AK7: variants seen among roughly 807,000 people sequenced by gnomAD.
AK7 encodes adenylate kinase 7.
In AK7, 78 loss-of-function variants were observed where a neutral mutation model predicts 96.6. That is an observed-to-expected ratio of 0.81 (90% CI 0.67 to 0.97). AK7 has a LOEUF of 0.97. AK7 is among the 50% of genes least tolerant of loss of function. The pLI is 0.00. For missense variants in AK7, 855 were observed against 887.9 expected, an observed-to-expected ratio of 0.96 and a Z score of 0.47; for synonymous variants, 302 against 317.2, an observed-to-expected ratio of 0.95 and a Z score of 0.51.
intron 17 of AK7, 66 bp downstream of exon 17, chr14:96,487,122 C>CTCTTATA: frequency 6.4e-7 from 1 of 1,558,934 alleles, no homozygotes. Context: ...CACCTGTAAT[C>CTCTTATA]CCAGCACTTT....
chr14:96,463,442 G>A (rs1182581569), intron 12 of AK7, among the ~76,000 whole-genome samples: 3 of 151,588 alleles, frequency 2.0e-5, no homozygotes, highest in Non-Finnish European at 2.9e-5. Context: ...GAGAGGAGCC[G>A]GGCGCGGTGG....
At chr14:96,478,829 A>G (rs997579033) in intron 15 of AK7, among the ~76,000 whole-genome samples, 167 bp downstream of exon 15, 4 of 151,782 alleles carry the variant, frequency 2.6e-5, no homozygotes, top group South Asian at 2.1e-4. Flanking sequence ...GAGTCATTCT[A>G]TGTGGGGATT....
chr14:96,437,373 A>G (rs142355143), intron 5 of AK7, among the ~76,000 whole-genome samples: 149 of 152,288 alleles, frequency 9.8e-4, no homozygotes, highest in African/African-American at 3.3e-3. Flanking sequence ...AATTAAAAAT[A>G]AAGGAATACT....
Position 96,463,051 on chromosome 14 carries a change from C to T in AK7, c.1357+4839C>T, listed in dbSNP as rs958169069. On this transcript the variant is annotated intron_variant, in intron 12 of 17. Coordinates refer to ENST00000267584, the MANE Select transcript of AK7 (RefSeq NM_152327.5). ...ACTCGGAAGGCTGAGGCAGGAGAAT[C>T]GCTTGAACCCTAGAGGCAGAGGTTG... 2.0e-4 allele frequency among the ~76,000 whole-genome samples: 30 copies of T among 151,748 alleles called. No individual in the cohort carries two copies. The East Asian group carries it at 5.5e-3, about 28-fold the overall frequency.
At position 96,397,650 on chromosome 14, in the gene AK7, G is replaced by A. The variant is rs564236268; in HGVS notation, c.106-425G>A. ...AGTGCCTGTAGTCCCAGCTACTCAG[G>A]AGGCTGAGGCAGGAGGACCCCAGGA... is the stretch of plus-strand genomic sequence containing the variant. On this transcript the variant is annotated intron_variant, in intron 1 of 17. Transcript: ENST00000267584. Among the ~76,000 whole-genome samples, 13 of 152,312 alleles carry A rather than the reference G, an allele frequency of 8.5e-5. No individual in the cohort carries two copies. The South Asian group carries it at 2.5e-3, about 29-fold the overall frequency.
At chr14:96,478,996 C>T (rs909086426) in intron 15 of AK7, among the ~76,000 whole-genome samples, 2 of 151,836 alleles carry the variant, frequency 1.3e-5, no homozygotes, top group African/African-American at 4.8e-5. Context: ...GCAACCTCTG[C>T]TTCCCGGGTT....
intron 12 of AK7, 101 bp downstream of exon 12, chr14:96,458,313 C>T (rs1378847774): frequency 3.4e-5 from 49 of 1,447,348 alleles, no homozygotes; most frequent in Non-Finnish European, 4.4e-5. Context: ...GACTGAACTA[C>T]AGGCGGGCGC....
chr14:96,461,827 C>G (rs926291721), intron 12 of AK7, among the ~76,000 whole-genome samples: 9 of 152,194 alleles, frequency 5.9e-5, no homozygotes, highest in African/African-American at 2.2e-4. Context: ...CTCAAGTGAT[C>G]TGCCTGCCTT....
At chr14:96,462,477 G>A (rs892729650) in intron 12 of AK7, among the ~76,000 whole-genome samples, 33 of 152,034 alleles carry the variant, frequency 2.2e-4, no homozygotes, top group African/African-American at 7.2e-4. Context: ...CTAGCAAAAC[G>A]AGTTTCCCAG....
intron 12 of AK7, among the ~76,000 whole-genome samples, chr14:96,468,219 A>T (rs1270078465): frequency 1.3e-5 from 2 of 151,122 alleles, no homozygotes; most frequent in African/African-American, 4.9e-5. Flanking sequence ...TGTCTCAAAA[A>T]AAAAAAAAAA....
intron 5 of AK7, among the ~76,000 whole-genome samples, chr14:96,434,070 T>C (rs1892504219): frequency 6.6e-6 from 1 of 152,222 alleles, no homozygotes; most frequent in Admixed American, 6.5e-5. Context: ...CTTTATTTAG[T>C]TCATTTGGTG....
intron 6 of AK7, among the ~76,000 whole-genome samples, chr14:96,442,488 C>T (rs1259325418): frequency 6.6e-6 from 1 of 151,948 alleles, no homozygotes; most frequent in Non-Finnish European, 1.5e-5. Context: ...TTGATTCAGT[C>T]CCAGGGCTAC....
intron 4 of AK7, among the ~76,000 whole-genome samples, chr14:96,417,155 G>C (rs1386534596): frequency 6.6e-6 from 1 of 152,166 alleles, no homozygotes; most frequent in Non-Finnish European, 1.5e-5. Flanking sequence ...GCTACAGAGG[G>C]GCCAGGACTC....
At chr14:96,405,935 G>C (rs1890685193) in intron 3 of AK7, among the ~76,000 whole-genome samples, 1 of 152,048 alleles carries the variant, frequency 6.6e-6, no homozygotes, top group Non-Finnish European at 1.5e-5. Flanking sequence ...ACAAGATCTT[G>C]CTCTGTCATC....
In AK7 at chr14:96,472,764, AT is replaced by A; in HGVS notation, c.1555+12del. On this transcript the variant is annotated intron_variant, in intron 14 of 17. Transcript: ENST00000267584. ...TAAATTAATTATACCTGGTAAGTTT[AT>A]TTCCCTAAGATCACATTTAAAAGAA... is the stretch of plus-strand genomic sequence containing the variant. The A allele has an allele frequency of 1.2e-6, 2 of 1,603,514 alleles. No individual in the cohort carries two copies. Among genetic ancestry groups the A allele is most frequent in the Non-Finnish European group, 1.7e-6 (2 of 1,170,928 alleles).
chr14:96,448,731 AG>A (rs1204907848), intron 8 of AK7, among the ~76,000 whole-genome samples: 2 of 150,720 alleles, frequency 1.3e-5, no homozygotes, highest in Admixed American at 1.3e-4. Flanking sequence ...CCAGGCAGGC[AG>A]ATCCCTTGAG....
chr14:96,423,496 CA>C (rs150749635), intron 5 of AK7, among the ~76,000 whole-genome samples: 7,853 of 152,180 alleles, frequency 0.052, 369 homozygotes, highest in African/African-American at 0.13. Context: ...CAAAATTGAT[CA>C]AAACATAAAA....
chr14:96,441,497 G>A (rs2140091099), intron 6 of AK7, among the ~76,000 whole-genome samples: 1 of 152,084 alleles, frequency 6.6e-6, no homozygotes, highest in Middle Eastern at 3.4e-3. Flanking sequence ...AAATTAGCCA[G>A]GTGTGGTGGC....
At chr14:96,403,040 T>A (rs12050328) in intron 2 of AK7, among the ~76,000 whole-genome samples, 2 of 151,650 alleles carry the variant, frequency 1.3e-5, no homozygotes, top group South Asian at 4.2e-4. Flanking sequence ...TGCTTGAATC[T>A]GGGAGGTGGA....
Sources: allele counts gnomAD v4.1 joint callset (sites outside exome capture counted in the v4.1 genomes callset), GRCh38; gene constraint gnomAD v4.1.1; transcripts MANE v1.5; gene names NCBI Gene and HGNC (gene_info 2026-07-23, HGNC 2026-07-21).